SCUBE2: variants seen among roughly 807,000 people sequenced by gnomAD.
SCUBE2 encodes the protein signal peptide, CUB and EGF-like domain-containing protein 2.
SCUBE2 carries 114 observed loss-of-function variants against 125.9 expected under a neutral mutation model. The observed-to-expected ratio is 0.91, with a 90% CI of 0.78 to 1.06. The LOEUF (loss-of-function observed/expected upper bound fraction) is 1.06, where lower values mean the gene tolerates loss of function less well. Ranked by LOEUF, SCUBE2 falls within the 50% of genes least tolerant of loss-of-function variation. The pLI is 0.00. For missense variants in SCUBE2, 1,255 were observed against 1,301.8 expected (o/e 0.96, Z 0.55); for synonymous variants, 459 against 492.9 (o/e 0.93, Z 0.91).
chr11:9,040,688 G>C (rs1857157738), intron 16 of SCUBE2, among the ~76,000 whole-genome samples: 1 of 150,304 alleles, frequency 6.7e-6, no homozygotes, highest in Admixed American at 6.6e-5. Flanking sequence ...TGGGTACGCA[G>C]GAGAAAGGGA....
rs199504434 is a variant in SCUBE2 at position 9,031,628 on chromosome 11, T to TA, written c.2174-704dup. Among the ~76,000 whole-genome samples the TA allele has an allele frequency of 5.2e-3, 731 of 140,838 alleles. 5 individuals are homozygous for TA. The highest frequency in any genetic ancestry group is 0.019 in the East Asian group (93 of 4,934). 92.4% of individuals were successfully genotyped at this position (140,838 alleles called of 152,430 possible). On this transcript the variant is annotated intron_variant, in intron 17 of 22. Transcript: ENST00000649792. ...GGGTGATCCAGAAAGACCTTGTCTCTAAAAAAAAAAAAGAGTGACCCAAAG... is the reference window on the plus strand; with the variant it reads ...GGGTGATCCAGAAAGACCTTGTCTCTAAAAAAAAAAAAAGAGTGACCCAAAG...
At chr11:9,066,071 A>G in intron 6 of SCUBE2, 91 bp from the exon 7 acceptor site, 1 of 843,698 alleles carries the variant, frequency 1.2e-6, no homozygotes, top group Non-Finnish European at 1.9e-6. Flanking sequence ...TCCCAGACAT[A>G]AGAGGAATGA....
chr11:9,047,708 G>C (rs1435785901), intron 15 of SCUBE2, 146 bp from the exon 16 acceptor site: 4 of 949,516 alleles, frequency 4.2e-6, no homozygotes, highest in Non-Finnish European at 6.3e-6. Context: ...TAGCAGGCTG[G>C]GCAGCATTTG....
At chr11:9,067,455 G>A (rs1425182541) in intron 5 of SCUBE2, among the ~76,000 whole-genome samples, 3 of 152,162 alleles carry the variant, frequency 2.0e-5, no homozygotes, top group African/African-American at 4.8e-5. Context: ...AACGGGAGGC[G>A]GGAAACTGCA....
At chr11:9,082,179 C>T (rs560191086) in intron 2 of SCUBE2, among the ~76,000 whole-genome samples, 85 of 152,132 alleles carry the variant, frequency 5.6e-4, no homozygotes, top group African/African-American at 1.8e-3. Flanking sequence ...TTTTTAATTG[C>T]GTTATTTGAT....
chr11:9,049,275 G>A (rs746351741), intron 14 of SCUBE2, among the ~76,000 whole-genome samples: 11 of 152,100 alleles, frequency 7.2e-5, no homozygotes, highest in Admixed American at 4.6e-4. Context: ...ACAGGGTCTC[G>A]CTCTGTCGCC....
At chr11:9,047,137 GAC>G (rs1268420855) in intron 16 of SCUBE2, among the ~76,000 whole-genome samples, 14 of 122,078 alleles carry the variant, frequency 1.1e-4, no homozygotes, top group Non-Finnish European at 2.2e-4. Flanking sequence ...AGGTGCTGAG[GAC>G]AGGGAGATGA....
chr11:9,046,001 CTTTTTTTTTTT>C (rs58572754), intron 16 of SCUBE2, among the ~76,000 whole-genome samples: 2 of 92,040 alleles, frequency 2.2e-5, no homozygotes, highest in Non-Finnish European at 4.4e-5. Context: ...GTCTTTCTTT[CTTTTTTTTTTT>C]TTTTTTTTTT....
At chr11:9,050,812 C>G in intron 13 of SCUBE2, 102 bp from the exon 14 acceptor site, 1 of 866,130 alleles carries the variant, frequency 1.2e-6, no homozygotes, top group Non-Finnish European at 2.0e-6. Context: ...CCACCACACA[C>G]AGCACACCCT....
chr11:9,021,810 C>G (rs1855316592), intron 22 of SCUBE2, 66 bp downstream of exon 22: 1 of 1,203,986 alleles, frequency 8.3e-7, no homozygotes, highest in Non-Finnish European at 1.2e-6. Flanking sequence ...GGAGGAGAAG[C>G]CTTCTCCAAC....
Position 9,074,543 on chromosome 11 carries a change from C to T in SCUBE2, c.455G>A (p.Cys152Tyr), listed in dbSNP as rs1288334248. Residue 152 changes from cysteine (C) to tyrosine (Y), a missense_variant, in exon 4 of 23, where the codon TGC (cysteine) becomes TAC (tyrosine). Transcript: ENST00000649792. ...TCVNVMGSYE[C>Y]CCKEGFFLSD... ...CAGGAAAAACCCCTCCTTGCAGCAG[C>T]ACTCATAGCTCCCCATGACGTTGAC... is the stretch of plus-strand genomic sequence containing the variant. 6.2e-7 allele frequency: 1 copy of T among 1,614,110 alleles called. No homozygotes were observed. Among genetic ancestry groups the T allele is most frequent in the Non-Finnish European group, 8.5e-7 (1 of 1,180,040 alleles).
chr11:9,026,547 G>GA (rs904413139), intron 20 of SCUBE2: 5 of 151,496 alleles, frequency 3.3e-5, no homozygotes. Flanking sequence ...AGGCTTAAGC[G>GA]ATTCACCCAT....
At position 9,091,428 on chromosome 11, in the gene SCUBE2, G is replaced by T; in HGVS notation, c.101C>A (p.Pro34Gln). ...PLLLLAGAVP[P>Q]GRGRAAGPQE... The stretch of plus-strand genomic sequence containing the variant: ...CGGCCCCGCGGCACGGCCCCGACCC[G>T]GCGGGACGGCCCCCGCCAGCAGCAG... Residue 34 changes from proline to glutamine, a missense_variant, in exon 1 of 23, where the codon CCG becomes CAG. Around this residue, in one of 3 missense-constraint regions of SCUBE2, gnomAD observed 362 missense variants for 323.0 expected, o/e 1.12. Coordinates refer to ENST00000649792, the MANE Select transcript of SCUBE2 (RefSeq NM_001367977.2). This position sits in a 1 kb window ranked among gnomAD's most constrained non-coding sequence, Gnocchi z 8.5. The T allele has an allele frequency of 7.5e-7, 1 of 1,332,998 alleles. No individual in the cohort carries two copies. Among genetic ancestry groups the T allele is most frequent in the Non-Finnish European group, 9.6e-7 (1 of 1,043,332 alleles). The allele number at this position is 1,332,998 out of a possible 1,614,324, so 82.6% of individuals were successfully genotyped here.
At chr11:9,045,582 T>C (rs1049069254) in intron 16 of SCUBE2, among the ~76,000 whole-genome samples, 1 of 145,426 alleles carries the variant, frequency 6.9e-6, no homozygotes, top group Admixed American at 7.1e-5. Flanking sequence ...CACCATCAAA[T>C]AGACCAGGAC....
chr11:9,047,918 C>T (rs1437194712), intron 15 of SCUBE2, 25 bp downstream of exon 15: 1 of 1,588,916 alleles, frequency 6.3e-7, no homozygotes, highest in South Asian at 1.1e-5. Flanking sequence ...AGAAGCCTGG[C>T]AATGCAGACT....
intron 5 of SCUBE2, among the ~76,000 whole-genome samples, chr11:9,067,995 G>A (rs1860418479): frequency 2.0e-5 from 3 of 152,182 alleles, no homozygotes; most frequent in African/African-American, 7.2e-5. Flanking sequence ...CACTCTGCTA[G>A]CTCACTGGAA....
At position 9,089,921 on chromosome 11, in the gene SCUBE2, C is replaced by G. The variant is rs1471795773; in HGVS notation, c.134-92G>C. On this transcript the variant is annotated intron_variant, in intron 1 of 22. Coordinates refer to ENST00000649792, the MANE Select transcript of SCUBE2 (RefSeq NM_001367977.2). ...GTCTGGCATCATCCTCACCAGCCCACCCCGCTTCACTCCTCACAAGCTACA... is the reference window on the plus strand; with the variant it reads ...GTCTGGCATCATCCTCACCAGCCCAGCCCGCTTCACTCCTCACAAGCTACA... 12 of 1,469,142 alleles carry G rather than the reference C, an allele frequency of 8.2e-6. No individual in the cohort carries two copies. In the Admixed American group the frequency reaches 2.4e-4, roughly 29 times the overall value. The allele number at this position is 1,469,142 out of a possible 1,614,324, so 91.0% of individuals were successfully genotyped here.
intron 2 of SCUBE2, among the ~76,000 whole-genome samples, chr11:9,086,164 A>T (rs1427401073): frequency 6.6e-6 from 1 of 152,240 alleles, no homozygotes; most frequent in Non-Finnish European, 1.5e-5. Flanking sequence ...TACAATAAAT[A>T]AGCAAATAAG....
At chr11:9,081,425 T>C (rs994926600) in intron 2 of SCUBE2, among the ~76,000 whole-genome samples, 2 of 152,228 alleles carry the variant, frequency 1.3e-5, no homozygotes, top group East Asian at 3.8e-4. Context: ...AAGTATCTCA[T>C]ATATTTAGAA....
Sources: gnomAD v4.1 joint callset for allele counts (sites outside exome capture counted in the v4.1 genomes callset) on GRCh38, gnomAD v4.1.1 for gene constraint, gnomAD v4.1.1 regional missense constraint, Gnocchi (gnomAD v3.1) non-coding constraint, MANE v1.5 for transcripts, NCBI Gene and HGNC (gene_info 2026-07-23, HGNC 2026-07-21) for gene names.